TXLNB: variants seen among roughly 807,000 people sequenced by gnomAD.
TXLNB encodes beta-taxilin.
TXLNB carries 37 observed loss-of-function variants against 57.4 expected under a neutral mutation model. The observed-to-expected ratio is 0.64, with a 90% CI of 0.50 to 0.85. The LOEUF is 0.85. Among genes scored for constraint, TXLNB ranks in the 40% least tolerant of loss-of-function variants. The pLI is 0.00. For missense variants in TXLNB, 848 were observed against 825.6 expected (o/e 1.03, Z -0.33); for synonymous variants, 302 against 309.6 (o/e 0.98, Z 0.26).
chr6:139,296,196 A>G (rs1350099293), upstream of TXLNB, among the ~76,000 whole-genome samples: 1 of 152,146 alleles, frequency 6.6e-6, no homozygotes, highest in Non-Finnish European at 1.5e-5. Flanking sequence ...TTAGAAAAAC[A>G]TATCCTCTAG....
the TXLNB span, among the ~76,000 whole-genome samples, chr6:139,310,981 C>T: frequency 6.6e-6 from 1 of 152,254 alleles, no homozygotes; most frequent in East Asian, 1.9e-4. Context: ...AGGCGTGAGC[C>T]ACCGTGCCCA....
the TXLNB span, among the ~76,000 whole-genome samples, chr6:139,212,627 A>G: frequency 6.6e-6 from 1 of 152,182 alleles, no homozygotes; most frequent in Non-Finnish European, 1.5e-5. Context: ...CACACATAAC[A>G]ATACTAACCT....
chr6:139,184,169 G>T, the TXLNB span, among the ~76,000 whole-genome samples: 4 of 152,346 alleles, frequency 2.6e-5, no homozygotes, highest in Admixed American at 1.3e-4. Context: ...AAGGAGAAGT[G>T]TCTGGACATT....
rs776318484 is a variant in TXLNB, at chr6:139,240,145, G to A, written c.*2381C>T. 6.6e-5 allele frequency: 10 copies of A among 152,554 alleles called. No homozygotes were observed. Among genetic ancestry groups the A allele is most frequent in the Non-Finnish European group, 1.5e-4 (10 of 68,016 alleles). The allele number at this position is 152,554 out of a possible 1,614,324, so 9.5% of individuals were successfully genotyped here. A position where few individuals can be genotyped will look rare whatever the true frequency, so the allele number is the denominator to read the frequency against. The stretch of plus-strand genomic sequence containing the variant: ...ACAATAACTTTAGTGTTTCTAGAAA[G>A]TAGATGGCATTTCTAAAAAATAGTT... On this transcript the variant is annotated 3_prime_UTR_variant, in exon 10 of 10. Transcript: ENST00000358430.
chr6:139,199,878 T>G, the TXLNB span: 1 of 152,152 alleles, frequency 6.6e-6, no homozygotes, highest in South Asian at 2.1e-4. Flanking sequence ...GATTTAAGAC[T>G]CAATTTTAAG....
At chr6:139,178,038 A>T in the TXLNB span, 127,662 of 152,230 alleles carry the variant, frequency 0.84, 54,250 homozygotes, top group African/African-American at 0.91. Context: ...ATGGCCATGT[A>T]TAACCAATTA....
chr6:139,174,731 A>C, the TXLNB span: 1 of 695,090 alleles, frequency 1.4e-6, no homozygotes. Context: ...ATAATATATA[A>C]TTATGTGGGA....
In TXLNB at chr6:139,288,807, C is replaced by T. The variant is rs935714587; in HGVS notation, c.93G>A (p.Glu31=). The part of the protein sequence containing the change: ...SSSLPSHNGL[E]KEDGQDSPTP... ...TTGGAGAATCCTGGCCATCTTCCTTCTCCAGGCCATTGTGACTGGGTAATG... is the reference window on the plus strand; with the variant it reads ...TTGGAGAATCCTGGCCATCTTCCTTTTCCAGGCCATTGTGACTGGGTAATG... The change falls in exon 2 of 10, where the codon GAG becomes GAA. Residue 31 remains glutamate, a synonymous_variant. Transcript: ENST00000358430. 1.2e-6 allele frequency: 2 copies of T among 1,614,222 alleles called. No individual in the cohort carries two copies. The highest frequency in any genetic ancestry group is 1.3e-5 in the African/African-American group (1 of 75,064).
chr6:139,192,697 C>T, the TXLNB span, among the ~76,000 whole-genome samples: 1 of 152,010 alleles, frequency 6.6e-6, no homozygotes, highest in African/African-American at 2.4e-5. Flanking sequence ...GTAATCCCAG[C>T]ACTTTCGGAG....
intron 7 of TXLNB, 30 bp from the exon 8 acceptor site, chr6:139,247,939 A>G (rs757554145): frequency 7.6e-7 from 1 of 1,323,774 alleles, no homozygotes; most frequent in South Asian, 1.3e-5. Flanking sequence ...TGGATCTTTC[A>G]GAATACTTCC....
chr6:139,242,624 G>A lies in TXLNB; in HGVS notation c.1957C>T (p.Gln653Ter). ...AMVPACEPSR[Q>*]PPRAAAEELP... ...TCCTCTGCTGCTGCTCGTGGGGGCT[G>A]CCTACTGGGCTCGCATGCAGGCACC... is the stretch of plus-strand genomic sequence containing the variant. Residue 653 changes from glutamine to a stop codon, truncating the protein, a stop_gained, in exon 10 of 10, where the codon CAG (glutamine) becomes TAG (stop). Transcript: ENST00000358430. LOFTEE classifies it low-confidence loss of function (END_TRUNC). 1 of 1,600,902 alleles carries A rather than the reference G, an allele frequency of 6.2e-7. No homozygotes were observed. Among genetic ancestry groups the A allele is most frequent in the South Asian group, 1.1e-5 (1 of 89,818 alleles).
the TXLNB span, chr6:139,167,433 T>C: frequency 1.1e-6 from 1 of 911,286 alleles, no homozygotes; most frequent in East Asian, 2.6e-5. Flanking sequence ...GTTTTTTTGT[T>C]CTAGTCAGGT....
the TXLNB span, among the ~76,000 whole-genome samples, chr6:139,173,941 T>C: frequency 6.6e-6 from 1 of 152,180 alleles, no homozygotes; most frequent in African/African-American, 2.4e-5. Flanking sequence ...CAAGACAGAC[T>C]TTTGATTTTT....
the TXLNB span, among the ~76,000 whole-genome samples, chr6:139,232,586 T>C: frequency 6.6e-6 from 1 of 152,222 alleles, no homozygotes; most frequent in African/African-American, 2.4e-5. Flanking sequence ...TCCTAGTACA[T>C]ATATTAGAGC....
intron 2 of TXLNB, among the ~76,000 whole-genome samples, chr6:139,281,539 C>CT (rs745650982): frequency 0.03 from 1,703 of 57,448 alleles, 465 homozygotes; most frequent in African/African-American, 0.083. Context: ...ATCTGGAGTT[C>CT]TTTTTTTTTT....
At chr6:139,255,268 A>G in intron 7 of TXLNB, 1 of 409,670 alleles carries the variant, frequency 2.4e-6, no homozygotes, top group Non-Finnish European at 4.6e-6. Context: ...AAGAAGTGCT[A>G]GATGGGAACC....
chr6:139,196,676 A>T, the TXLNB span, among the ~76,000 whole-genome samples: 1 of 152,086 alleles, frequency 6.6e-6, no homozygotes, highest in African/African-American at 2.4e-5. Context: ...CACCCGGCCC[A>T]GATCTCTTTA....
intron 2 of TXLNB, among the ~76,000 whole-genome samples, chr6:139,279,667 C>G (rs1239081157): frequency 6.6e-6 from 1 of 152,170 alleles, no homozygotes; most frequent in African/African-American, 2.4e-5. Flanking sequence ...ATCATTACAT[C>G]TCCATGGAAA....
At chr6:139,259,939 G>C (rs1203410713) in intron 6 of TXLNB, among the ~76,000 whole-genome samples, 1 of 152,028 alleles carries the variant, frequency 6.6e-6, no homozygotes, top group Non-Finnish European at 1.5e-5. Context: ...AAAACAACTT[G>C]CGTCCAGGCG....
Sources: allele counts gnomAD v4.1 joint callset (sites outside exome capture counted in the v4.1 genomes callset), GRCh38; gene constraint gnomAD v4.1.1; transcripts MANE v1.5; gene names NCBI Gene and HGNC (gene_info 2026-07-23, HGNC 2026-07-21).